Variants in TRPC3 observed in about 807,000 individuals in gnomAD.
The protein encoded by TRPC3 is transient receptor potential cation channel subfamily C member 3.
In TRPC3, 54 loss-of-function variants were observed where a neutral mutation model predicts 90.9. The ratio of observed to expected loss-of-function variants is 0.59; its 90% CI spans 0.48 to 0.75. The LOEUF is 0.75. Among genes scored for constraint, TRPC3 ranks in the 30% least tolerant of loss-of-function variants. The pLI is 0.00. For missense variants in TRPC3, 918 were observed against 1,194.5 expected (o/e 0.77, Z 3.41); for synonymous variants, 424 against 450.9 (o/e 0.94, Z 0.75).
chr4:121,905,304 T>C (rs1438858358), intron 7 of TRPC3, among the ~76,000 whole-genome samples: 1 of 152,074 alleles, frequency 6.6e-6, no homozygotes, highest in Non-Finnish European at 1.5e-5. Flanking sequence ...GGACAGGCAT[T>C]TCCCTGTAGA....
In TRPC3 at chr4:121,911,889, C is replaced by A. The variant is rs755999200; in HGVS notation, c.1546G>T (p.Val516Phe). The A allele has an allele frequency of 2.5e-6, 4 of 1,612,682 alleles. No individual in the cohort carries two copies. In the South Asian group the frequency reaches 4.4e-5, roughly 18 times the overall value. The change falls in exon 5 of 12, where the codon GTC becomes TTC. Residue 516 changes from valine (V) to phenylalanine (F), a missense_variant. Physicochemically the swap from Val to Phe is conservative, Grantham distance 50. This residue lies in a region of TRPC3 where 609 missense variants were observed against 725.9 expected (regional missense o/e 0.84). Coordinates refer to ENST00000379645, the MANE Select transcript of TRPC3 (RefSeq NM_001130698.2). ...ATAAAAGACTTACCAAGAACCCAGA[C>A]CATAATTAGCATTTCAGTCCATGTA... ...QFTWTEMLIM[V>F]WVLGMMWSEC...
rs77130259 is a variant in TRPC3 at position 121,920,854 on chromosome 4, T to C, written c.1176+4164A>G. Among the ~76,000 whole-genome samples the C allele has an allele frequency of 1.3e-3, 204 of 152,342 alleles. 1 individual carries two copies. Among genetic ancestry groups the C allele is most frequent in the African/African-American group, 4.7e-3 (196 of 41,580 alleles). On this transcript the variant is annotated intron_variant, in intron 3 of 11. Transcript: ENST00000379645. ...GTTCTTGGGATATTAAGAAGATCAA[T>C]CTTTTGTGAGATACAATCGAAAAAA...
Position 121,914,868 on chromosome 4 carries a change from G to T in TRPC3, c.1253C>A (p.Thr418Asn), listed in dbSNP as rs145495608. Residue 418 changes from threonine (T) to asparagine (N), a missense_variant, in exon 4 of 12, where the codon ACC (threonine) becomes AAC (asparagine). Transcript: ENST00000379645. ...YENLSGLREQ[T>N]IAIKCLVVLV... The stretch of plus-strand genomic sequence containing the variant: ...CACAACGAGACACTTGATAGCTATG[G>T]TCTGCTCCCTTAGGCCTGAGAGGTT... The T allele has an allele frequency of 4.3e-5, 69 of 1,613,966 alleles. No individual in the cohort carries two copies. Among genetic ancestry groups the T allele is most frequent in the Non-Finnish European group, 5.2e-5 (61 of 1,179,892 alleles).
chr4:121,886,744 T>C (rs75148856), intron 10 of TRPC3, among the ~76,000 whole-genome samples: 1,731 of 152,256 alleles, frequency 0.011, 45 homozygotes, highest in African/African-American at 0.04. Context: ...TGCAAACCTA[T>C]TGATTGACTT....
At chr4:121,938,218 T>C (rs1245231905) in intron 1 of TRPC3, among the ~76,000 whole-genome samples, 1 of 152,208 alleles carries the variant, frequency 6.6e-6, no homozygotes, top group African/African-American at 2.4e-5. Context: ...TCCTCTCACC[T>C]GACCTCAGGT....
At chr4:121,950,356 G>C (rs896018884) in intron 1 of TRPC3, among the ~76,000 whole-genome samples, 1 of 152,184 alleles carries the variant, frequency 6.6e-6, no homozygotes, top group Admixed American at 6.5e-5. Context: ...CCGGCAGCAG[G>C]GGGCGCTGCA....
At chr4:121,924,261 G>A (rs1414327947) in intron 3 of TRPC3, among the ~76,000 whole-genome samples, 3 of 152,044 alleles carry the variant, frequency 2.0e-5, no homozygotes, top group African/African-American at 2.4e-5. Flanking sequence ...ATGTAAAAAT[G>A]CCTTACAAAA....
chr4:121,884,016 C>G (rs574834760), intron 10 of TRPC3, among the ~76,000 whole-genome samples: 1 of 151,264 alleles, frequency 6.6e-6, no homozygotes, highest in East Asian at 1.9e-4. Context: ...TTGCAAAACA[C>G]TGGAAACAAT....
chr4:121,950,162 C>T (rs192508819), intron 1 of TRPC3, among the ~76,000 whole-genome samples: 4 of 152,296 alleles, frequency 2.6e-5, no homozygotes, highest in Non-Finnish European at 4.4e-5. Flanking sequence ...CATCGGGATG[C>T]GTCGCTCATT....
chr4:121,939,758 C>A (rs1730241766), intron 1 of TRPC3, among the ~76,000 whole-genome samples: 1 of 152,178 alleles, frequency 6.6e-6, no homozygotes, highest in Non-Finnish European at 1.5e-5. Context: ...AAACCAAGTA[C>A]TTGAGGGAGC....
intron 1 of TRPC3, among the ~76,000 whole-genome samples, chr4:121,945,757 A>G (rs1287816586): frequency 1.3e-5 from 2 of 152,156 alleles, no homozygotes; most frequent in Non-Finnish European, 1.5e-5. Context: ...CAGAAACAGA[A>G]ATGCTCTAGA....
chr4:121,941,292 T>C (rs1730301140), intron 1 of TRPC3, among the ~76,000 whole-genome samples: 1 of 152,180 alleles, frequency 6.6e-6, no homozygotes, highest in Non-Finnish European at 1.5e-5. Context: ...ATTCAACCCA[T>C]GTAGCAAGCA....
chr4:121,893,441 T>C (rs1222250499), intron 10 of TRPC3, among the ~76,000 whole-genome samples: 1 of 152,192 alleles, frequency 6.6e-6, no homozygotes, highest in Non-Finnish European at 1.5e-5. Flanking sequence ...CCCAACTGTA[T>C]AATAATCTGG....
rs1728756957 is a variant in TRPC3 at position 121,903,053 on chromosome 4, A to G, written c.2262T>C (p.Ser754=). 6.2e-7 allele frequency: 1 copy of G among 1,606,084 alleles called. No individual in the cohort carries two copies. The highest frequency in any genetic ancestry group is 1.3e-5 in the African/African-American group (1 of 74,472). Residue 754 remains serine (S), a synonymous_variant, in exon 9 of 12, where the codon AGT becomes AGC. Coordinates refer to ENST00000379645, the MANE Select transcript of TRPC3 (RefSeq NM_001130698.2). The part of the protein sequence containing the change: ...NSSYQEIEDD[S]DVEWKFARSK... ...AACGAGCAAACTTCCATTCTACATC[A>G]CTGTCATCCTGTGTCACAAAAATAG...
chr4:121,932,838 G>A lies in TRPC3; in HGVS notation c.420C>T (p.Val140=). The A allele has an allele frequency of 6.2e-7, 1 of 1,610,082 alleles. No individual in the cohort carries two copies. The change falls in exon 2 of 12, where the codon GTC becomes GTT. Residue 140 remains valine (V), a synonymous_variant. Coordinates refer to ENST00000379645, the MANE Select transcript of TRPC3 (RefSeq NM_001130698.2). This position sits in a 1 kb window ranked among gnomAD's most constrained non-coding sequence, Gnocchi z 7.7. ...KMLEESKTLN[V]NCVDYMGQNA... Reference sequence around the variant, plus strand: ...TCTGGCCCATGTAGTCCACGCAGTTGACGTTCAGCGTCTTGGACTCCTCCA... The same window carrying A: ...TCTGGCCCATGTAGTCCACGCAGTTAACGTTCAGCGTCTTGGACTCCTCCA...
chr4:121,907,655 T>C, intron 6 of TRPC3, 88 bp from the exon 7 acceptor site: 5 of 1,402,540 alleles, frequency 3.6e-6, no homozygotes, highest in Non-Finnish European at 4.8e-6. Context: ...GGATCTATCT[T>C]GTAGGTAGGT....
intron 1 of TRPC3, among the ~76,000 whole-genome samples, chr4:121,937,015 C>A (rs1730153665): frequency 6.6e-6 from 1 of 152,122 alleles, no homozygotes; most frequent in African/African-American, 2.4e-5. Context: ...TGTGGTGGAG[C>A]CATAGGGAAC....
At position 121,907,609 on chromosome 4, in the gene TRPC3, T is replaced by G; in HGVS notation, c.1793-42A>C. The stretch of plus-strand genomic sequence containing the variant: ...AAGAGATTAAAAATGGAGCTTTCTA[T>G]TCATTGCCAACTACGCAAAGCAAAT... On this transcript the variant is annotated intron_variant, in intron 6 of 11. Coordinates refer to ENST00000379645, the MANE Select transcript of TRPC3 (RefSeq NM_001130698.2). 2 of 1,567,684 alleles carry G rather than the reference T, an allele frequency of 1.3e-6. 1 individual carries two copies. Among genetic ancestry groups the G allele is most frequent in the Admixed American group, 3.9e-5 (2 of 51,618 alleles).
chr4:121,905,088 TG>T (rs1264159351), intron 7 of TRPC3, among the ~76,000 whole-genome samples: 1 of 152,090 alleles, frequency 6.6e-6, no homozygotes, highest in African/African-American at 2.4e-5. Flanking sequence ...GAGCTTTGTG[TG>T]TTTATATAAA....
Sources: allele counts gnomAD v4.1 joint callset (sites outside exome capture counted in the v4.1 genomes callset), GRCh38; gene constraint gnomAD v4.1.1; regional missense constraint gnomAD v4.1.1; non-coding constraint Gnocchi (gnomAD v3.1); transcripts MANE v1.5; gene names NCBI Gene and HGNC (gene_info 2026-07-23, HGNC 2026-07-21).